UGP2: variants seen among roughly 807,000 people sequenced by gnomAD.
The protein encoded by UGP2 is UTP--glucose-1-phosphate uridylyltransferase.
UGP2 carries 40 observed loss-of-function variants against 49.0 expected under a neutral mutation model. The ratio of observed to expected loss-of-function variants is 0.82; its 90% confidence interval spans 0.63 to 1.06. The LOEUF is 1.06. UGP2 is among the 50% of genes least tolerant of loss of function. UGP2 has a pLI of 0.00. For missense variants in UGP2, 460 were observed against 603.5 expected, an observed-to-expected ratio of 0.76 and a Z score of 2.49; for synonymous variants, 225 against 213.0, an observed-to-expected ratio of 1.06 and a Z score of -0.49.
chr2:63,847,046 T>C (rs1671982665), intron 1 of UGP2, among the ~76,000 whole-genome samples: 1 of 152,210 alleles, frequency 6.6e-6, no homozygotes, highest in East Asian at 1.9e-4. Context: ...GGTTAAATTG[T>C]CCGTGTTCTT....
chr2:63,849,166 A>G (rs558862224), intron 1 of UGP2, among the ~76,000 whole-genome samples: 55 of 152,364 alleles, frequency 3.6e-4, no homozygotes, highest in African/African-American at 1.2e-3. Flanking sequence ...ACAAAAAGCC[A>G]TTAATTGTCT....
chr2:63,842,253 G>T, intron 1 of UGP2, 49 bp downstream of exon 1: 1 of 1,608,344 alleles, frequency 6.2e-7, no homozygotes, highest in Non-Finnish European at 8.5e-7. Flanking sequence ...GCAAATTTGG[G>T]TACTGACAGT....
intron 3 of UGP2, among the ~76,000 whole-genome samples, chr2:63,872,139 G>T (rs1312982979): frequency 6.6e-6 from 1 of 152,228 alleles, no homozygotes; most frequent in Non-Finnish European, 1.5e-5. Context: ...GGCTACACAT[G>T]ACTGGAGAGA....
chr2:63,876,200 T>G (rs1670895377), intron 3 of UGP2, among the ~76,000 whole-genome samples: 1 of 152,030 alleles, frequency 6.6e-6, no homozygotes, highest in East Asian at 1.9e-4. Context: ...GTAGAGGGTG[T>G]GGACAGTGTC....
At chr2:63,890,040 C>A (rs1362338087) in intron 8 of UGP2, 41 bp from the exon 9 acceptor site, 1 of 1,465,056 alleles carries the variant, frequency 6.8e-7, no homozygotes, top group South Asian at 1.2e-5. Flanking sequence ...TTTCTTTGAA[C>A]CCATTTGAGA....
intron 1 of UGP2, among the ~76,000 whole-genome samples, chr2:63,843,182 C>T (rs964345925): frequency 2.6e-5 from 4 of 152,200 alleles, no homozygotes; most frequent in Non-Finnish European, 4.4e-5. Context: ...CTGAGTTCTA[C>T]ATCGCTTTAT....
intron 3 of UGP2, among the ~76,000 whole-genome samples, chr2:63,878,604 T>C (rs932579803): frequency 6.6e-5 from 10 of 152,176 alleles, no homozygotes; most frequent in Non-Finnish European, 1.5e-5. Flanking sequence ...TGGGCAGATA[T>C]TTGTTTTCTT....
chr2:63,856,740 T>C (rs1461002942), intron 2 of UGP2: 3 of 481,008 alleles, frequency 6.2e-6, no homozygotes, highest in South Asian at 1.5e-5. Flanking sequence ...CTGTGTTCAG[T>C]TGTAATTGAG....
intron 3 of UGP2, among the ~76,000 whole-genome samples, chr2:63,866,573 A>T (rs1282659493): frequency 6.6e-6 from 1 of 152,146 alleles, no homozygotes; most frequent in East Asian, 1.9e-4. Context: ...TAGATACTCC[A>T]GGTTTAAGAG....
intron 3 of UGP2, among the ~76,000 whole-genome samples, chr2:63,872,827 A>G (rs1670649183): frequency 6.6e-6 from 1 of 152,056 alleles, no homozygotes; most frequent in African/African-American, 2.4e-5. Context: ...CCTCTTCTGA[A>G]AGTGTTTTTT....
At chr2:63,880,360 G>C (rs561221307) in intron 3 of UGP2, among the ~76,000 whole-genome samples, 105 of 152,098 alleles carry the variant, frequency 6.9e-4, no homozygotes, top group African/African-American at 2.4e-3. Context: ...TTTTTGTAGG[G>C]TCGGGGTTTC....
intron 3 of UGP2, among the ~76,000 whole-genome samples, chr2:63,875,367 G>A (rs1377082305): frequency 2.0e-5 from 3 of 152,108 alleles, no homozygotes; most frequent in African/African-American, 7.2e-5. Context: ...AGCTTGCTTT[G>A]GGTGTTTGGC....
chr2:63,880,332 C>T (rs541429182), intron 3 of UGP2, among the ~76,000 whole-genome samples: 2 of 151,978 alleles, frequency 1.3e-5, no homozygotes, highest in Admixed American at 6.6e-5. Context: ...CACCACCATG[C>T]CTGGCTAATT....
chr2:63,858,814 CAG>C (rs1669629362), intron 3 of UGP2, among the ~76,000 whole-genome samples: 1 of 151,618 alleles, frequency 6.6e-6, no homozygotes, highest in African/African-American at 2.4e-5. Context: ...TAAATTCAGT[CAG>C]ATTCTTAAAA....
intron 3 of UGP2, among the ~76,000 whole-genome samples, chr2:63,873,367 C>G (rs1670688843): frequency 6.6e-6 from 1 of 152,140 alleles, no homozygotes; most frequent in Admixed American, 6.5e-5. Flanking sequence ...ATTTTTTACT[C>G]TATTTGCACA....
At chr2:63,857,752 TA>T in intron 2 of UGP2, 76 bp from the exon 3 acceptor site, 1 of 1,375,942 alleles carries the variant, frequency 7.3e-7, no homozygotes, top group Admixed American at 1.9e-5. Flanking sequence ...TTTAAATGTG[TA>T]ACTTGTATCT....
chr2:63,889,830 A>AG (rs1671960986), intron 8 of UGP2: 1 of 314,334 alleles, frequency 3.2e-6, no homozygotes, highest in Non-Finnish European at 5.8e-6. Flanking sequence ...AAAAAAAAAG[A>AG]AAAAAAACCC....
At chr2:63,886,261 G>T in intron 6 of UGP2, 80 bp from the exon 7 acceptor site, 1 of 1,313,404 alleles carries the variant, frequency 7.6e-7, no homozygotes, top group Non-Finnish European at 1.1e-6. Context: ...TATATTTTTT[G>T]TATAATCACT....
At chr2:63,864,292 G>T (rs1040219319) in intron 3 of UGP2, among the ~76,000 whole-genome samples, 1 of 152,194 alleles carries the variant, frequency 6.6e-6, no homozygotes, top group Non-Finnish European at 1.5e-5. Context: ...GGGCCCTGAT[G>T]AACCAGGTGT....
Sources: allele counts gnomAD v4.1 joint callset (sites outside exome capture counted in the v4.1 genomes callset), GRCh38; gene constraint gnomAD v4.1.1; transcripts MANE v1.5; gene names NCBI Gene and HGNC (gene_info 2026-07-23, HGNC 2026-07-21).